UPK1B: variants seen among roughly 807,000 people sequenced by gnomAD.
UPK1B encodes uroplakin-1b.
A neutral mutation model predicts 34.2 loss-of-function variants in UPK1B; 28 were observed. The ratio of observed to expected loss-of-function variants is 0.82; its 90% CI spans 0.61 to 1.12. The LOEUF (loss-of-function observed/expected upper bound fraction) is 1.12, where lower values mean the gene tolerates loss of function less well. Ranked by LOEUF, UPK1B falls within the 50% of genes most tolerant of loss-of-function variation. The pLI, the probability that UPK1B is intolerant of heterozygous loss-of-function variation, is 0.00. For missense variants in UPK1B, 325 were observed against 320.9 expected (o/e 1.01, Z -0.10); for synonymous variants, 81 against 110.4 (o/e 0.73, Z 1.67).
chr3:119,193,903 A>G (rs1324097072), intron 5 of UPK1B, among the ~76,000 whole-genome samples: 1 of 152,214 alleles, frequency 6.6e-6, no homozygotes, highest in East Asian at 1.9e-4. Flanking sequence ...TAATCCTTAA[A>G]AAAACTCTAT....
rs60685268 is a variant in UPK1B at position 119,179,352 on chromosome 3, G to GATATATATATATAT, written c.-29+5747_-29+5760dup. 1.0e-3 allele frequency among the ~76,000 whole-genome samples: 49 copies of GATATATATATATAT among 46,854 alleles called. 1 individual carries two copies. Among genetic ancestry groups the GATATATATATATAT allele is most frequent in the Non-Finnish European group, 1.6e-3 (33 of 20,366 alleles). The allele number at this position is 46,854 out of a possible 152,430, so 30.7% of individuals were successfully genotyped here. Reference sequence around the variant, plus strand: ...AGAGAGAGGGAGAGAGAGAGAGGGAGATATATATATATATATATATATATA... The same window carrying GATATATATATATAT: ...AGAGAGAGGGAGAGAGAGAGAGGGAGATATATATATATATATATATATATATATATATATATATA... On this transcript the variant is annotated intron_variant, in intron 1 of 7. Transcript: ENST00000264234.
At chr3:119,192,152 T>C (rs916676213) in intron 5 of UPK1B, among the ~76,000 whole-genome samples, 1 of 152,222 alleles carries the variant, frequency 6.6e-6, no homozygotes, top group African/African-American at 2.4e-5. Flanking sequence ...ACCATTAATT[T>C]CTATCATTTC....
intron 1 of UPK1B, among the ~76,000 whole-genome samples, chr3:119,178,517 T>C (rs1399283710): frequency 6.6e-6 from 1 of 152,174 alleles, no homozygotes; most frequent in East Asian, 1.9e-4. Context: ...GCTAAGTGGC[T>C]GGCACTTGGA....
chr3:119,179,497 A>C (rs2077978065), intron 1 of UPK1B, among the ~76,000 whole-genome samples: 1 of 85,082 alleles, frequency 1.2e-5, no homozygotes, highest in Non-Finnish European at 2.5e-5. Flanking sequence ...GGAAGAGTTG[A>C]TGTTGCAGTC....
At position 119,187,911 on chromosome 3, in the gene UPK1B, T is replaced by C; in HGVS notation, c.206T>C (p.Leu69Pro). The C allele has an allele frequency of 1.2e-6, 2 of 1,614,160 alleles. No homozygotes were observed. The highest frequency in any genetic ancestry group is 1.1e-5 in the South Asian group (1 of 91,072). Residue 69 changes from leucine to proline, a missense_variant, in exon 3 of 8, where the codon CTC becomes CCC. Leu to Pro is a moderately conservative substitution (Grantham distance 98). Transcript: ENST00000264234. ...AWIGIFVGIC[L>P]FCLSVLGIVG... Reference sequence around the variant, plus strand: ...ATCGGCATATTTGTGGGCATCTGCCTCTTCTGCCTGTCTGTTCTAGGCATT... The same window carrying C: ...ATCGGCATATTTGTGGGCATCTGCCCCTTCTGCCTGTCTGTTCTAGGCATT...
intron 5 of UPK1B, among the ~76,000 whole-genome samples, chr3:119,193,337 C>A (rs2078052101): frequency 6.6e-6 from 1 of 152,188 alleles, no homozygotes; most frequent in Non-Finnish European, 1.5e-5. Context: ...AATTGTATAT[C>A]CTTTAAAGAT....
chr3:119,180,199 G>A (rs978918188), intron 1 of UPK1B, among the ~76,000 whole-genome samples: 2 of 152,216 alleles, frequency 1.3e-5, no homozygotes, highest in African/African-American at 4.8e-5. Context: ...CAGAAATGCT[G>A]CTTCTTCAGG....
chr3:119,185,633 C>T (rs1222310408), intron 1 of UPK1B, among the ~76,000 whole-genome samples: 1 of 152,318 alleles, frequency 6.6e-6, no homozygotes, highest in East Asian at 1.9e-4. Flanking sequence ...TCCCTACTAA[C>T]GCAAAAAATC....
intron 1 of UPK1B, among the ~76,000 whole-genome samples, chr3:119,178,919 T>C (rs1297876766): frequency 6.6e-6 from 1 of 152,116 alleles, no homozygotes; most frequent in Non-Finnish European, 1.5e-5. Context: ...TGGGAATTGG[T>C]AAAATGGTAT....
chr3:119,184,953 T>C (rs545029939), intron 1 of UPK1B, among the ~76,000 whole-genome samples: 1 of 152,350 alleles, frequency 6.6e-6, no homozygotes, highest in South Asian at 2.1e-4. Flanking sequence ...TGTCTGTACA[T>C]ACCAGTAATG....
rs1279078545 is a variant in UPK1B at position 119,190,300 on chromosome 3, C to G, written c.326C>G (p.Ala109Gly). ...TTTGAAGTGGCATCTTGTATCACAG[C>G]AGCAACACAACAAGACTTTGTGAGT... ...YAFEVASCIT[A>G]ATQQDFFTPN... Residue 109 changes from alanine (A) to glycine (G), a missense_variant, in exon 4 of 8, where the codon GCA becomes GGA. Ala to Gly is a moderately conservative substitution (Grantham distance 60, BLOSUM62 0). Coordinates refer to ENST00000264234, the MANE Select transcript of UPK1B (RefSeq NM_006952.4). 2 of 1,612,054 alleles carry G rather than the reference C, an allele frequency of 1.2e-6. No individual in the cohort carries two copies. Among genetic ancestry groups the G allele is most frequent in the Non-Finnish European group, 1.7e-6 (2 of 1,178,666 alleles).
rs183876039 is a variant in UPK1B, at chr3:119,186,245, A to T, written c.-28-469A>T. 5.9e-5 allele frequency among the ~76,000 whole-genome samples: 9 copies of T among 152,328 alleles called. No individual in the cohort carries two copies. In the East Asian group the frequency reaches 1.4e-3, roughly 23 times the overall value. On this transcript the variant is annotated intron_variant, in intron 1 of 7. Transcript: ENST00000264234. ...CCAACTATTTCTTTGAAGATAATAA[A>T]AGAGTCAGAAAATGATAGTTTTTAA...
intron 1 of UPK1B, among the ~76,000 whole-genome samples, chr3:119,182,760 G>A (rs1221809952): frequency 6.6e-6 from 1 of 152,172 alleles, no homozygotes; most frequent in Non-Finnish European, 1.5e-5. Flanking sequence ...AATGTTTTAG[G>A]TCCTCTGGAC....
intron 6 of UPK1B, among the ~76,000 whole-genome samples, chr3:119,198,068 T>A (rs1439478311): frequency 2.0e-5 from 3 of 152,080 alleles, no homozygotes; most frequent in African/African-American, 7.2e-5. Context: ...GAGCTAGATT[T>A]TTTGTGGCTG....
chr3:119,174,387 G>A (rs1483015486), intron 1 of UPK1B, among the ~76,000 whole-genome samples: 2 of 152,202 alleles, frequency 1.3e-5, no homozygotes, highest in East Asian at 3.9e-4. Flanking sequence ...AATAATGCTA[G>A]TATTATTTTA....
intron 5 of UPK1B, 146 bp from the exon 6 acceptor site, chr3:119,194,073 C>A: frequency 1.3e-6 from 1 of 765,418 alleles, no homozygotes; most frequent in Non-Finnish European, 2.0e-6. Flanking sequence ...TTATCAATAC[C>A]TTCAGCTGTC....
downstream of UPK1B, chr3:119,205,143 GTTCACTTTCAT>G (rs2078114276): frequency 6.6e-6 from 1 of 152,152 alleles, no homozygotes; most frequent in Non-Finnish European, 1.5e-5. Flanking sequence ...TTTAAAATCT[GTTCACTTTCAT>G]TTTTACCAAT....
chr3:119,190,350 T>A (rs762695879), intron 4 of UPK1B, 31 bp downstream of exon 4: 8 of 1,523,264 alleles, frequency 5.3e-6, no homozygotes. Flanking sequence ...CAAAATAATA[T>A]GAATTATCAT....
intron 1 of UPK1B, among the ~76,000 whole-genome samples, chr3:119,183,271 G>GT (rs60512299): frequency 0.012 from 1,674 of 136,582 alleles, 16 homozygotes; most frequent in African/African-American, 0.034. Flanking sequence ...CTTTTTTTTT[G>GT]TTTTTTTTTT....
Sources: allele counts gnomAD v4.1 joint callset (sites outside exome capture counted in the v4.1 genomes callset), GRCh38; gene constraint gnomAD v4.1.1; transcripts MANE v1.5; gene names NCBI Gene and HGNC (gene_info 2026-07-23, HGNC 2026-07-21).